Variants in DIAPH2 observed in about 807,000 individuals in gnomAD.
DIAPH2 encodes protein diaphanous homolog 2.
Under a neutral mutation model 92.7 loss-of-function variants are expected in DIAPH2, and 35 were observed. The observed-to-expected ratio is 0.38, with a 90% CI of 0.29 to 0.50. The LOEUF (loss-of-function observed/expected upper bound fraction) is 0.50. Among genes scored for constraint, DIAPH2 ranks in the 20% least tolerant of loss-of-function variants. The probability of loss-of-function intolerance (pLI) is 0.94; values close to 1 mark genes in which losing one functional copy is unlikely to be tolerated. For missense variants in DIAPH2, 701 were observed against 819.5 expected (o/e 0.86, Z 1.77); for synonymous variants, 301 against 280.4 (o/e 1.07, Z -0.73).
At chrX:96,908,902 A>G (rs1159417770) in intron 5 of DIAPH2, among the ~76,000 whole-genome samples, 3 of 111,583 alleles carry the variant, frequency 2.7e-5, no homozygotes, top group Non-Finnish European at 5.7e-5. Context: ...CCCGGCCCTC[A>G]ACTGGATTCC....
chrX:97,195,088 A>T (rs1380920707), intron 22 of DIAPH2, among the ~76,000 whole-genome samples: 4 of 112,325 alleles, frequency 3.6e-5, no homozygotes, highest in Admixed American at 2.8e-4. Flanking sequence ...TGAGCATGAA[A>T]GTTTAGGAGA....
rs750737818 is a variant in DIAPH2, at chrX:97,102,205, G to T, written c.2349+2410G>T. Among the ~76,000 whole-genome samples the T allele has an allele frequency of 6.3e-5, 7 of 111,524 alleles. No homozygotes were observed. In the South Asian group the frequency reaches 1.9e-3, roughly 30 times the overall value. ...GACATTTTAGCCTTTATTTCAATCA[G>T]ACTCTCACTGCCGTTTTAACAGCTA... On this transcript the variant is annotated intron_variant, in intron 20 of 26. Transcript: ENST00000324765.
chrX:97,002,816 A>G (rs2066153564), intron 17 of DIAPH2, among the ~76,000 whole-genome samples: 1 of 111,423 alleles, frequency 9.0e-6, no homozygotes, highest in African/African-American at 3.3e-5. Flanking sequence ...ATAATCTTTT[A>G]GTTATTTTAA....
intron 5 of DIAPH2, among the ~76,000 whole-genome samples, chrX:96,906,839 C>A (rs757009081): frequency 2.7e-5 from 3 of 112,002 alleles, no homozygotes; most frequent in Non-Finnish European, 5.6e-5. Context: ...TACAGCCAAA[C>A]CTTTTTTACA....
At chrX:97,514,938 C>T (rs1947128921) in intron 26 of DIAPH2, among the ~76,000 whole-genome samples, 1 of 111,131 alleles carries the variant, frequency 9.0e-6, no homozygotes, top group Non-Finnish European at 1.9e-5. Flanking sequence ...ACATTTAAGT[C>T]TGCAGAGGTT....
At chrX:96,809,168 G>C (rs1040975171) in intron 4 of DIAPH2, among the ~76,000 whole-genome samples, 1 of 110,376 alleles carries the variant, frequency 9.1e-6, no homozygotes, top group African/African-American at 3.3e-5. Context: ...TTTCCTCTCC[G>C]TCTTCTCTCC....
chrX:97,241,874 C>T (rs775673567), intron 22 of DIAPH2, among the ~76,000 whole-genome samples: 1 of 102,295 alleles, frequency 9.8e-6, no homozygotes, highest in Non-Finnish European at 2.0e-5. Flanking sequence ...CTCCCGGATT[C>T]CAGCGATTCT....
In DIAPH2 at chrX:97,299,290, A is replaced by C. The variant is rs1216712548; in HGVS notation, c.2845-48826A>C. On this transcript the variant is annotated intron_variant, in intron 23 of 26. Transcript: ENST00000324765. ...AATTATGCTTGAACTAAATATACCCAAAAACATAACAATTCAGATTTAAAA... is the reference window on the plus strand; with the variant it reads ...AATTATGCTTGAACTAAATATACCCCAAAACATAACAATTCAGATTTAAAA... Among the ~76,000 whole-genome samples, 5 of 111,692 alleles carry C rather than the reference A, an allele frequency of 4.5e-5. No homozygotes were observed. The East Asian group carries it at 8.4e-4, about 19-fold the overall frequency.
intron 26 of DIAPH2, among the ~76,000 whole-genome samples, chrX:97,512,010 G>A (rs1161805117): frequency 2.6e-5 from 3 of 113,670 alleles, no homozygotes; most frequent in East Asian, 5.4e-4. Context: ...GTATCAGGAC[G>A]ATGCTGGCCT....
chrX:96,918,322 C>T (rs1452077179), intron 8 of DIAPH2, among the ~76,000 whole-genome samples, 187 bp from the exon 9 acceptor site: 2 of 111,335 alleles, frequency 1.8e-5, no homozygotes, highest in Non-Finnish European at 3.8e-5. Context: ...TTAGCCATTC[C>T]AGTATGTATA....
At chrX:97,317,643 G>A (rs753146407) in intron 23 of DIAPH2, among the ~76,000 whole-genome samples, 5 of 111,894 alleles carry the variant, frequency 4.5e-5, no homozygotes, top group Admixed American at 9.6e-5. Flanking sequence ...TCATGCCAGA[G>A]AGAAATTAAT....
intron 23 of DIAPH2, among the ~76,000 whole-genome samples, chrX:97,293,402 A>T (rs1158601965): frequency 1.8e-5 from 2 of 108,823 alleles, no homozygotes; most frequent in Non-Finnish European, 3.8e-5. Flanking sequence ...ACAGGCATGC[A>T]CCACCAGGCC....
At chrX:96,973,326 C>T (rs1412883446) in intron 17 of DIAPH2, among the ~76,000 whole-genome samples, 1 of 111,401 alleles carries the variant, frequency 9.0e-6, no homozygotes, top group Non-Finnish European at 1.9e-5. Flanking sequence ...AGTGAGACCC[C>T]ATCTCTGCAA....
At chrX:96,843,385 G>A (rs1433632609) in intron 4 of DIAPH2, among the ~76,000 whole-genome samples, 1 of 111,918 alleles carries the variant, frequency 8.9e-6, no homozygotes, top group African/African-American at 3.3e-5. Flanking sequence ...AGCAATGCAA[G>A]ACTGACCTAA....
intron 22 of DIAPH2, among the ~76,000 whole-genome samples, chrX:97,181,757 C>A (rs1329609737): frequency 1.8e-5 from 2 of 112,413 alleles, no homozygotes; most frequent in African/African-American, 3.2e-5. Context: ...ATCCTCATTC[C>A]AGTCCTAGTT....
intron 17 of DIAPH2, among the ~76,000 whole-genome samples, chrX:96,979,251 G>A (rs1211995096): frequency 8.9e-6 from 1 of 112,151 alleles, no homozygotes; most frequent in Non-Finnish European, 1.9e-5. Flanking sequence ...TTTAACAAAT[G>A]TTATGATATC....
At chrX:96,895,186 G>A (rs888749597) in intron 5 of DIAPH2, among the ~76,000 whole-genome samples, 1 of 109,407 alleles carries the variant, frequency 9.1e-6, no homozygotes, top group Non-Finnish European at 1.9e-5. Flanking sequence ...TCTATTTTTC[G>A]TAGAGATGGG....
chrX:97,377,413 A>C (rs1340927319), intron 24 of DIAPH2, among the ~76,000 whole-genome samples: 1 of 112,138 alleles, frequency 8.9e-6, no homozygotes, highest in Non-Finnish European at 1.9e-5. Context: ...TAAGTACATG[A>C]GTAATGTGTT....
At chrX:97,417,535 C>T (rs996539510) in intron 25 of DIAPH2, among the ~76,000 whole-genome samples, 2 of 111,110 alleles carry the variant, frequency 1.8e-5, no homozygotes, top group African/African-American at 3.3e-5. Context: ...TTAGCCTGGG[C>T]GTGGTGTCAC....
Sources: allele counts gnomAD v4.1 joint callset (sites outside exome capture counted in the v4.1 genomes callset), GRCh38; gene constraint gnomAD v4.1.1; transcripts MANE v1.5; gene names NCBI Gene and HGNC (gene_info 2026-07-23, HGNC 2026-07-21).